UGT1A8: variants seen among roughly 807,000 people sequenced by gnomAD.
UGT1A8 encodes UDP glucuronosyltransferase family 1 member A8.
A neutral mutation model predicts 45.3 loss-of-function variants in UGT1A8; 39 were observed. The ratio of observed to expected loss-of-function variants is 0.86; its 90% CI spans 0.67 to 1.12. The LOEUF is 1.12. UGT1A8 is among the 50% of genes most tolerant of loss of function. The pLI is 0.00. For missense variants in UGT1A8, 719 were observed against 664.9 expected, an observed-to-expected ratio of 1.08 and a Z score of -0.90; for synonymous variants, 275 against 249.2, an observed-to-expected ratio of 1.10 and a Z score of -0.97.
At chr2:233,734,101 T>C (rs2078479429) in intron 1 of UGT1A8, among the ~76,000 whole-genome samples, 1 of 151,280 alleles carries the variant, frequency 6.6e-6, no homozygotes. Context: ...AAACTTAAAG[T>C]ATAATAATAA....
chr2:233,752,549 C>G (rs1323378417), intron 1 of UGT1A8: 4 of 152,146 alleles, frequency 2.6e-5, no homozygotes, highest in Admixed American at 2.0e-4. Context: ...AATGCTCTTG[C>G]TGGGACAACA....
At chr2:233,639,087 C>T (rs919404076) in intron 1 of UGT1A8, among the ~76,000 whole-genome samples, 29 of 151,972 alleles carry the variant, frequency 1.9e-4, no homozygotes, top group African/African-American at 6.5e-4. Context: ...CACCTAGAGG[C>T]CTTTAAAGAT....
At chr2:233,744,065 G>A in intron 1 of UGT1A8, 1 of 544,540 alleles carries the variant, frequency 1.8e-6, no homozygotes. Flanking sequence ...CGAGGCCTAT[G>A]AGCGCCTCGC....
intron 1 of UGT1A8, chr2:233,693,404 GA>G: frequency 1.2e-6 from 2 of 1,614,158 alleles, no homozygotes; most frequent in Non-Finnish European, 1.7e-6. Flanking sequence ...GCAGGACAGG[GA>G]CACCCTGAAC....
chr2:233,712,814 C>T (rs1173541748), intron 1 of UGT1A8, among the ~76,000 whole-genome samples: 1 of 152,162 alleles, frequency 6.6e-6, no homozygotes, highest in Non-Finnish European at 1.5e-5. Flanking sequence ...CAGGGTGGGG[C>T]CCATAATGCA....
intron 1 of UGT1A8, among the ~76,000 whole-genome samples, chr2:233,650,769 CTAG>C (rs1172042878): frequency 7.2e-5 from 11 of 152,176 alleles, no homozygotes; most frequent in Admixed American, 7.2e-4. Context: ...GTGCCTCAAA[CTAG>C]ATCCTATTCA....
chr2:233,679,142 A>T (rs533337992), intron 1 of UGT1A8, among the ~76,000 whole-genome samples: 1 of 152,272 alleles, frequency 6.6e-6, no homozygotes, highest in Admixed American at 6.5e-5. Context: ...TGAGAGACTG[A>T]ATTAGAGATG....
chr2:233,635,299 G>A (rs1377620255), intron 1 of UGT1A8, among the ~76,000 whole-genome samples: 5 of 150,582 alleles, frequency 3.3e-5, no homozygotes, highest in Non-Finnish European at 5.9e-5. Flanking sequence ...TTTTCTCGAG[G>A]AGTATCTTTA....
intron 1 of UGT1A8, chr2:233,672,862 T>C: frequency 6.5e-7 from 1 of 1,527,460 alleles, no homozygotes; most frequent in Non-Finnish European, 8.8e-7. Flanking sequence ...TTTACTGAAC[T>C]GTGATTTGAC....
intron 1 of UGT1A8, among the ~76,000 whole-genome samples, chr2:233,627,704 T>C (rs774267931): frequency 6.8e-6 from 1 of 147,996 alleles, no homozygotes; most frequent in Non-Finnish European, 1.5e-5. Flanking sequence ...TTTCCACTGG[T>C]CCTTATCTAG....
rs1245037320 is a variant in UGT1A8, at chr2:233,618,545, G to C, written c.838G>C (p.Gly280Arg). ...CATTGGTGGTATCAACTGCCATCAG[G>C]GAAAGCCATTGCCTATGGTAAGTCA... Reference protein sequence around the residue: ...IFIGGINCHQGKPLPMEFEAY... With the variant: ...IFIGGINCHQRKPLPMEFEAY... Residue 280 changes from glycine (G) to arginine (R), a missense_variant, in exon 1 of 5, where the codon GGA becomes CGA. Coordinates refer to ENST00000373450, the MANE Select transcript of UGT1A8 (RefSeq NM_019076.5). 1 of 1,613,532 alleles carries C rather than the reference G, an allele frequency of 6.2e-7. No individual in the cohort carries two copies. The highest frequency in any genetic ancestry group is 1.7e-5 in the Admixed American group (1 of 59,998).
chr2:233,655,494 C>T (rs1355569237), intron 1 of UGT1A8, among the ~76,000 whole-genome samples: 1 of 152,172 alleles, frequency 6.6e-6, no homozygotes, highest in Non-Finnish European at 1.5e-5. Flanking sequence ...TTGTCTTCTG[C>T]CTTAGGCTGT....
intron 1 of UGT1A8, among the ~76,000 whole-genome samples, chr2:233,746,975 C>T (rs1401004389): frequency 1.3e-5 from 2 of 151,722 alleles, no homozygotes; most frequent in Non-Finnish European, 2.9e-5. Context: ...TTCCCCAGAG[C>T]GAGCGCAGGG....
intron 1 of UGT1A8, among the ~76,000 whole-genome samples, chr2:233,630,045 T>C (rs1398025714): frequency 6.6e-6 from 1 of 152,122 alleles, no homozygotes; most frequent in Non-Finnish European, 1.5e-5. Flanking sequence ...GCTAGAGCTT[T>C]ACCAAATTAA....
chr2:233,724,135 A>G (rs1575550109), intron 1 of UGT1A8, among the ~76,000 whole-genome samples: 4 of 118,266 alleles, frequency 3.4e-5, no homozygotes, highest in Non-Finnish European at 5.1e-5. Context: ...CACCTCCCGG[A>G]CGGGGCGGCT....
At chr2:233,727,339 C>T (rs2077606972) in intron 1 of UGT1A8, among the ~76,000 whole-genome samples, 2 of 152,160 alleles carry the variant, frequency 1.3e-5, no homozygotes, top group Admixed American at 6.5e-5. Flanking sequence ...TCCTCCCTCC[C>T]CATAGTTCTG....
chr2:233,732,326 T>G (rs2078260709), intron 1 of UGT1A8, among the ~76,000 whole-genome samples: 1 of 152,270 alleles, frequency 6.6e-6, no homozygotes, highest in African/African-American at 2.4e-5. Flanking sequence ...TGGCTTTTGT[T>G]GCCATTGCTT....
chr2:233,735,442 G>A (rs1187026118), intron 1 of UGT1A8, among the ~76,000 whole-genome samples: 1 of 151,980 alleles, frequency 6.6e-6, no homozygotes, highest in Non-Finnish European at 1.5e-5. Flanking sequence ...ACAGCATACC[G>A]ATGGGCCTTG....
intron 4 of UGT1A8, 57 bp from the exon 5 acceptor site, chr2:233,772,205 A>T: frequency 6.2e-7 from 1 of 1,608,796 alleles, no homozygotes; most frequent in Non-Finnish European, 8.5e-7. Flanking sequence ...GAGCATAAAG[A>T]GAGGATTGTT....
Sources: allele counts gnomAD v4.1 joint callset (sites outside exome capture counted in the v4.1 genomes callset), GRCh38; gene constraint gnomAD v4.1.1; transcripts MANE v1.5; gene names NCBI Gene and HGNC (gene_info 2026-07-23, HGNC 2026-07-21).